The following CAPZB variants were observed in gnomAD, a reference collection of about 807,000 sequenced individuals.
CAPZB encodes F-actin-capping protein subunit beta.
In CAPZB, 2 loss-of-function variants were observed where a neutral mutation model predicts 38.1. The ratio of observed to expected loss-of-function variants is 0.05; its 90% CI spans 0.02 to 0.17. The LOEUF (loss-of-function observed/expected upper bound fraction) is 0.17. Ranked by LOEUF, CAPZB falls within the 10% of genes least tolerant of loss-of-function variation. The pLI is 1.00. For synonymous variants in CAPZB, 107 were observed against 127.4 expected (o/e 0.84, Z 1.08); for missense variants, 161 against 334.2 (o/e 0.48, Z 4.04).
intron 1 of CAPZB, among the ~76,000 whole-genome samples, chr1:19,437,754 C>A (rs534795016): frequency 1.3e-5 from 2 of 152,270 alleles, no homozygotes; most frequent in South Asian, 4.1e-4. Context: ...CCCAGCAAAG[C>A]GAGCCTCAAA....
chr1:19,361,628 T>C (rs965127241), intron 4 of CAPZB, among the ~76,000 whole-genome samples: 32 of 152,274 alleles, frequency 2.1e-4, no homozygotes, highest in African/African-American at 7.7e-4. Flanking sequence ...CAACACGTTT[T>C]TGAAAATTTA....
chr1:19,344,574 C>T (rs139284292), intron 7 of CAPZB, 140 bp from the exon 8 acceptor site: 54 of 688,890 alleles, frequency 7.8e-5, no homozygotes, highest in South Asian at 6.1e-4. Context: ...TCAGTGAGCG[C>T]GCTCCAGGCT....
chr1:19,437,569 G>A (rs2094462241), intron 1 of CAPZB, among the ~76,000 whole-genome samples: 1 of 152,134 alleles, frequency 6.6e-6, no homozygotes, highest in South Asian at 2.1e-4. Context: ...ACCTTCCACA[G>A]TCTTAAAGAC....
intron 1 of CAPZB, among the ~76,000 whole-genome samples, chr1:19,452,559 C>A (rs11589517): frequency 6.6e-6 from 1 of 152,016 alleles, no homozygotes; most frequent in African/African-American, 2.4e-5. Flanking sequence ...ACGTACACAC[C>A]CTGAAGGCAG....
chr1:19,485,315 G>A (rs2094647475), intron 1 of CAPZB, 121 bp downstream of exon 1: 3 of 668,250 alleles, frequency 4.5e-6, no homozygotes, highest in Non-Finnish European at 2.1e-6. Context: ...CCCAGGGTCC[G>A]GGACCCCGCC....
At chr1:19,431,549 G>A (rs1404013616) in intron 1 of CAPZB, among the ~76,000 whole-genome samples, 7 of 151,086 alleles carry the variant, frequency 4.6e-5, no homozygotes, top group Non-Finnish European at 7.4e-5. Flanking sequence ...GTGAAACCCC[G>A]TCTCTACTAA....
intron 4 of CAPZB, among the ~76,000 whole-genome samples, chr1:19,366,484 T>A (rs1157365335): frequency 6.7e-6 from 1 of 150,224 alleles, no homozygotes; most frequent in Non-Finnish European, 1.5e-5. Context: ...AGGTCAGGAG[T>A]TCGAAACCAG....
At chr1:19,414,422 T>G (rs1570190406) in intron 2 of CAPZB, among the ~76,000 whole-genome samples, 1 of 152,298 alleles carries the variant, frequency 6.6e-6, no homozygotes, top group East Asian at 1.9e-4. Context: ...CACCTTTACC[T>G]CACTGGCCTG....
chr1:19,349,243 G>A (rs545432699), intron 6 of CAPZB, among the ~76,000 whole-genome samples: 123 of 152,224 alleles, frequency 8.1e-4, no homozygotes, highest in African/African-American at 2.5e-3. Context: ...GCTGGCCCCC[G>A]GGGACTGTGT....
intron 1 of CAPZB, chr1:19,449,100 A>C: frequency 7.0e-7 from 1 of 1,421,210 alleles, no homozygotes; most frequent in Non-Finnish European, 9.2e-7. Context: ...TGCAGATGAA[A>C]CCCCAGCAGT....
At chr1:19,343,965 C>T (rs765521999) in intron 8 of CAPZB, among the ~76,000 whole-genome samples, 11 of 152,204 alleles carry the variant, frequency 7.2e-5, no homozygotes, top group Admixed American at 2.0e-4. Flanking sequence ...TCTGCTGTCT[C>T]GGAGAGCAGG....
intron 1 of CAPZB, among the ~76,000 whole-genome samples, chr1:19,439,057 C>T (rs57271511): frequency 0.083 from 12,558 of 152,218 alleles, 1,696 homozygotes; most frequent in African/African-American, 0.28. Flanking sequence ...AGAGCTCCAC[C>T]CATGGCTACA....
chr1:19,421,347 T>TA (rs1312267071), intron 1 of CAPZB, among the ~76,000 whole-genome samples: 2 of 152,106 alleles, frequency 1.3e-5, no homozygotes, highest in Admixed American at 6.5e-5. Context: ...TTCATTTTTT[T>TA]AAAAAAAGAT....
intron 1 of CAPZB, among the ~76,000 whole-genome samples, chr1:19,463,115 AGCCTT>A (rs1293941731): frequency 6.6e-6 from 1 of 152,226 alleles, no homozygotes; most frequent in Non-Finnish European, 1.5e-5. Context: ...AGACCTCGTT[AGCCTT>A]GCTTTATTAT....
intron 2 of CAPZB, among the ~76,000 whole-genome samples, chr1:19,397,988 C>T (rs754073296): frequency 7.9e-5 from 12 of 152,034 alleles, no homozygotes; most frequent in Admixed American, 2.6e-4. Flanking sequence ...ATCTGCACGT[C>T]GACACTGGTG....
At chr1:19,410,137 C>T (rs533583212) in intron 2 of CAPZB, among the ~76,000 whole-genome samples, 2 of 152,316 alleles carry the variant, frequency 1.3e-5, no homozygotes, top group South Asian at 4.1e-4. Context: ...CGCCACTCAG[C>T]CTGGAGCTCT....
intron 1 of CAPZB, among the ~76,000 whole-genome samples, chr1:19,434,257 A>T (rs1006985963): frequency 2.0e-5 from 3 of 152,186 alleles, no homozygotes; most frequent in South Asian, 2.1e-4. Context: ...CCTAGCAATT[A>T]AGGTCTGAAT....
intron 1 of CAPZB, among the ~76,000 whole-genome samples, chr1:19,473,086 C>T (rs967648919): frequency 2.6e-5 from 4 of 151,972 alleles, no homozygotes; most frequent in Non-Finnish European, 5.9e-5. Flanking sequence ...CTAAGAAATA[C>T]TCCACTTTCA....
intron 6 of CAPZB, among the ~76,000 whole-genome samples, 183 bp from the exon 7 acceptor site, chr1:19,345,435 C>T (rs2093955013): frequency 1.3e-5 from 2 of 152,230 alleles, no homozygotes; most frequent in Admixed American, 6.5e-5. Flanking sequence ...CAGTTTCAGA[C>T]CATAAAGAGC....
Sources: gnomAD v4.1 joint callset for allele counts (sites outside exome capture counted in the v4.1 genomes callset) on GRCh38, gnomAD v4.1.1 for gene constraint, MANE v1.5 for transcripts, NCBI Gene and HGNC (gene_info 2026-07-23, HGNC 2026-07-21) for gene names.